The following CLOCK variants were observed in gnomAD, a reference collection of about 807,000 sequenced individuals.
The protein encoded by CLOCK is clock circadian regulator.
A neutral mutation model predicts 118.4 loss-of-function variants in CLOCK; 43 were observed. The observed-to-expected ratio is 0.36, with a 90% CI of 0.28 to 0.47. The LOEUF (loss-of-function observed/expected upper bound fraction) is 0.47, where lower values mean the gene tolerates loss of function less well. CLOCK is among the 20% of genes least tolerant of loss of function. CLOCK has a pLI of 1.00. For synonymous variants in CLOCK, 326 were observed against 339.2 expected, an observed-to-expected ratio of 0.96 and a Z score of 0.43; for missense variants, 846 against 999.9, an observed-to-expected ratio of 0.85 and a Z score of 2.08.
At chr4:55,530,155 A>G (rs1177116120) in intron 1 of CLOCK, among the ~76,000 whole-genome samples, 1 of 152,218 alleles carries the variant, frequency 6.6e-6, no homozygotes, top group Non-Finnish European at 1.5e-5. Flanking sequence ...GCAAAGAATA[A>G]CAAAAACAAT....
chr4:55,493,128 TGAG>T (rs963976934), intron 2 of CLOCK, among the ~76,000 whole-genome samples: 3 of 152,100 alleles, frequency 2.0e-5, no homozygotes, highest in African/African-American at 7.2e-5. Flanking sequence ...TAGCTATACA[TGAG>T]GAGGCAAATA....
At chr4:55,490,193 T>C (rs552869009) in intron 2 of CLOCK, among the ~76,000 whole-genome samples, 1 of 151,916 alleles carries the variant, frequency 6.6e-6, no homozygotes, top group Non-Finnish European at 1.5e-5. Flanking sequence ...ATATATCCCA[T>C]GCAAATGGCA....
At chr4:55,527,689 T>A (rs1418054557) in intron 1 of CLOCK, among the ~76,000 whole-genome samples, 1 of 152,130 alleles carries the variant, frequency 6.6e-6, no homozygotes, top group Non-Finnish European at 1.5e-5. Context: ...ACTAGGTGTT[T>A]TATGATATTA....
At chr4:55,448,601 CGTGTGTGTGTGTGT>C (rs3034980) in intron 18 of CLOCK, among the ~76,000 whole-genome samples, 164 bp downstream of exon 18, 2,074 of 117,028 alleles carry the variant, frequency 0.018, 55 homozygotes, top group African/African-American at 0.055. Context: ...CGCACGCGCG[CGTGTGTGTGTGTGT>C]GTGTGTGTGT....
At position 55,498,298 on chromosome 4, in the gene CLOCK, G is replaced by A. The variant is rs563280719; in HGVS notation, c.-135-8833C>T. 1.6e-4 allele frequency among the ~76,000 whole-genome samples: 25 copies of A among 152,126 alleles called. No individual in the cohort carries two copies. In the East Asian group the frequency reaches 2.7e-3, roughly 16 times the overall value. ...CAGTTGTTTTGACTTATTAAAACTC[G>A]GGTAAACTGCCAGCTGCTTTTGTGT... On this transcript the variant is annotated intron_variant, in intron 2 of 22. Transcript: ENST00000513440.
intron 1 of CLOCK, among the ~76,000 whole-genome samples, chr4:55,517,946 C>T (rs1412734327): frequency 1.2e-4 from 18 of 151,958 alleles, no homozygotes; most frequent in Admixed American, 1.2e-3. Flanking sequence ...TTATAACCAG[C>T]ATTTTAAAAA....
chr4:55,463,577 T>C (rs1339318277), intron 9 of CLOCK, 108 bp downstream of exon 9: 3 of 1,019,786 alleles, frequency 2.9e-6, no homozygotes, highest in African/African-American at 3.2e-5. Flanking sequence ...TAATAGGGCA[T>C]ATGGAGTAAT....
chr4:55,435,995 C>T (rs1722849801), intron 22 of CLOCK, among the ~76,000 whole-genome samples: 1 of 152,134 alleles, frequency 6.6e-6, no homozygotes, highest in South Asian at 2.1e-4. Context: ...CAGGTTCGCT[C>T]AGCTGGTTAG....
At chr4:55,514,534 T>A (rs963884212) in intron 1 of CLOCK, among the ~76,000 whole-genome samples, 8 of 151,276 alleles carry the variant, frequency 5.3e-5, no homozygotes, top group African/African-American at 1.5e-4. Context: ...TAGATTTTTT[T>A]AATAGATGTT....
intron 3 of CLOCK, among the ~76,000 whole-genome samples, chr4:55,485,882 C>T (rs1727265937): frequency 6.6e-6 from 1 of 151,880 alleles, no homozygotes; most frequent in Non-Finnish European, 1.5e-5. Flanking sequence ...ATACTAGGTA[C>T]CCACACAAAT....
chr4:55,513,165 CTA>C (rs1402352145), intron 1 of CLOCK, among the ~76,000 whole-genome samples: 1 of 152,136 alleles, frequency 6.6e-6, no homozygotes, highest in Non-Finnish European at 1.5e-5. Context: ...GGTAAGTACT[CTA>C]TATAAAGTAT....
intron 1 of CLOCK, among the ~76,000 whole-genome samples, chr4:55,529,396 G>A (rs1051589666): frequency 1.3e-5 from 2 of 152,014 alleles, no homozygotes; most frequent in African/African-American, 2.4e-5. Context: ...CTAGCTTCAA[G>A]CAATCCTCCC....
chr4:55,460,950 G>T (rs1364231347), intron 9 of CLOCK, among the ~76,000 whole-genome samples: 10 of 143,556 alleles, frequency 7.0e-5, no homozygotes, highest in African/African-American at 1.8e-4. Flanking sequence ...TTGAGACAAA[G>T]TCTCATTCTG....
intron 1 of CLOCK, among the ~76,000 whole-genome samples, chr4:55,546,277 A>C (rs1577893615): frequency 1.3e-5 from 2 of 149,624 alleles, no homozygotes; most frequent in African/African-American, 2.5e-5. Context: ...CGTGCACCCC[A>C]CTCCCGCCCC....
chr4:55,459,093 G>C, intron 10 of CLOCK, 55 bp downstream of exon 10: 3 of 1,466,628 alleles, frequency 2.0e-6, no homozygotes, highest in Non-Finnish European at 2.9e-6. Context: ...ATGTCTTTAA[G>C]AGCACAGAAA....
chr4:55,515,805 C>A lies in CLOCK; in HGVS notation c.-289-5740G>T, dbSNP rs141114644. Among the ~76,000 whole-genome samples the A allele has an allele frequency of 5.8e-4, 88 of 152,268 alleles. 1 individual carries two copies. The highest frequency in any genetic ancestry group is 2.1e-3 in the African/African-American group (87 of 41,558). ...TCTTTACTCTTTTCTATGTATTCCA[C>A]GCTATAAATTTCCCTCTAGGCATTC... On this transcript the variant is annotated intron_variant, in intron 1 of 22. Coordinates refer to ENST00000513440, the MANE Select transcript of CLOCK (RefSeq NM_004898.4).
At position 55,442,425 on chromosome 4, in the gene CLOCK, C is replaced by G. The variant is rs1292749383; in HGVS notation, c.2105+7G>C. The G allele has an allele frequency of 6.2e-7, 1 of 1,604,602 alleles. No individual in the cohort carries two copies. The highest frequency in any genetic ancestry group is 1.7e-5 in the Admixed American group (1 of 59,634). On this transcript the variant is annotated splice_region_variant and intron_variant, in intron 21 of 22. Coordinates refer to ENST00000513440, the MANE Select transcript of CLOCK (RefSeq NM_004898.4). The stretch of plus-strand genomic sequence containing the variant: ...TTTAAAAATAACAAATGAAATATGA[C>G]AACTACCTTATCTGCCTGTCCTGAG...
chr4:55,511,874 C>T (rs2110029250), intron 1 of CLOCK, among the ~76,000 whole-genome samples: 1 of 152,114 alleles, frequency 6.6e-6, no homozygotes, highest in East Asian at 1.9e-4. Context: ...GTAGCCATTT[C>T]AGACTGGCTC....
Position 55,442,450 on chromosome 4 carries a change from G to C in CLOCK, c.2087C>G (p.Thr696Ser), listed in dbSNP as rs1332271946. The change falls in exon 21 of 23, where the codon ACT becomes AGT. Residue 696 changes from threonine (T) to serine (S), a missense_variant. Physicochemically the swap from Thr to Ser is moderately conservative, Grantham distance 58 (BLOSUM62 1). Around this residue, in one of 4 missense-constraint regions of CLOCK, gnomAD observed 520 missense variants for 558.0 expected, o/e 0.93. Coordinates refer to ENST00000513440, the MANE Select transcript of CLOCK (RefSeq NM_004898.4). ...CAACTACCTTATCTGCCTGTCCTGA[G>C]TGAATGTAGTTACTGCAGCACTCTG... ...STQSAAVTTF[T>S]QDRQIRFSQG... The C allele has an allele frequency of 1.2e-6, 2 of 1,609,216 alleles. No homozygotes were observed. The highest frequency in any genetic ancestry group is 1.7e-6 in the Non-Finnish European group (2 of 1,178,954).
Sources: allele counts gnomAD v4.1 joint callset (sites outside exome capture counted in the v4.1 genomes callset), GRCh38; gene constraint gnomAD v4.1.1; regional missense constraint gnomAD v4.1.1; transcripts MANE v1.5; gene names NCBI Gene and HGNC (gene_info 2026-07-23, HGNC 2026-07-21).